Variants in NDUFAF2 observed in about 807,000 individuals in gnomAD.
NDUFAF2 encodes the protein NADH:ubiquinone oxidoreductase complex assembly factor 2.
A neutral mutation model predicts 22.8 loss-of-function variants in NDUFAF2; 13 were observed. That is an observed-to-expected ratio of 0.57 (90% confidence interval 0.37 to 0.91). The LOEUF (loss-of-function observed/expected upper bound fraction) is 0.91. Ranked by LOEUF, NDUFAF2 falls within the 40% of genes least tolerant of loss-of-function variation. NDUFAF2 has a pLI of 0.01. For synonymous variants in NDUFAF2, 53 were observed against 64.2 expected, an observed-to-expected ratio of 0.83 and a Z score of 0.84; for missense variants, 162 against 195.2, an observed-to-expected ratio of 0.83 and a Z score of 1.01.
chr5:61,041,345 C>G (rs184606603), intron 1 of NDUFAF2, among the ~76,000 whole-genome samples: 44 of 151,912 alleles, frequency 2.9e-4, no homozygotes, highest in Admixed American at 2.9e-3. Flanking sequence ...TATTTTTGAT[C>G]GAAGAGTTGA....
At chr5:61,023,461 A>G (rs1197846581) in intron 1 of NDUFAF2, among the ~76,000 whole-genome samples, 1 of 152,006 alleles carries the variant, frequency 6.6e-6, no homozygotes, top group African/African-American at 2.4e-5. Flanking sequence ...GGTTTCTTCA[A>G]TTTATAATTT....
intron 2 of NDUFAF2, among the ~76,000 whole-genome samples, chr5:61,086,440 G>A (rs1202851294): frequency 2.0e-5 from 3 of 152,122 alleles, no homozygotes; most frequent in East Asian, 1.9e-4. Flanking sequence ...TGGTACTGAT[G>A]TAAGGATAAT....
rs534827864 is a variant in NDUFAF2, at chr5:61,109,268, T to C, written c.258+10236T>C. Among the ~76,000 whole-genome samples, 79 of 152,304 alleles carry C rather than the reference T, an allele frequency of 5.2e-4. 3 individuals carry two copies. The South Asian group carries it at 0.016, about 30-fold the overall frequency. Reference sequence around the variant, plus strand: ...TTTCAGATTGTTTGCTGGTGGCATATAGAAATGCTATTGATTTTGTATGTT... The same window carrying C: ...TTTCAGATTGTTTGCTGGTGGCATACAGAAATGCTATTGATTTTGTATGTT... On this transcript the variant is annotated intron_variant, in intron 3 of 3. Coordinates refer to ENST00000296597, the MANE Select transcript of NDUFAF2 (RefSeq NM_174889.5).
At chr5:61,050,260 G>A (rs1209220216) in intron 1 of NDUFAF2, 1 of 151,940 alleles carries the variant, frequency 6.6e-6, no homozygotes, top group Non-Finnish European at 1.5e-5. Context: ...TGGGGTTTTT[G>A]TAGAAAGGAT....
intron 1 of NDUFAF2, among the ~76,000 whole-genome samples, chr5:61,067,518 C>T (rs557959694): frequency 2.6e-5 from 4 of 152,090 alleles, no homozygotes; most frequent in East Asian, 3.9e-4. Context: ...CATAGTATTC[C>T]GTGGTGTATA....
At chr5:60,986,114 A>G (rs899532788) in intron 1 of NDUFAF2, among the ~76,000 whole-genome samples, 2 of 152,194 alleles carry the variant, frequency 1.3e-5, no homozygotes, top group African/African-American at 4.8e-5. Context: ...AAATAGGGCT[A>G]CCATGTGCTC....
chr5:61,040,284 A>ACGCGCGCGCGCGCGCGCGCG (rs1297710611), intron 1 of NDUFAF2, among the ~76,000 whole-genome samples: 1 of 87,220 alleles, frequency 1.1e-5, no homozygotes, highest in African/African-American at 5.4e-5. Context: ...ACACACACAC[A>ACGCGCGCGCGCGCGCGCGCG]CACGCGCGCG....
intron 1 of NDUFAF2, among the ~76,000 whole-genome samples, chr5:61,019,768 G>A (rs990108633): frequency 6.6e-6 from 1 of 152,054 alleles, no homozygotes; most frequent in Non-Finnish European, 1.5e-5. Flanking sequence ...AATGAGATGG[G>A]CCTTACCTTT....
intron 1 of NDUFAF2, among the ~76,000 whole-genome samples, chr5:60,947,357 T>A (rs149839846): frequency 6.6e-6 from 1 of 152,354 alleles, no homozygotes; most frequent in East Asian, 1.9e-4. Flanking sequence ...GGTATCTCAT[T>A]GTGATTTTAA....
intron 1 of NDUFAF2, among the ~76,000 whole-genome samples, chr5:61,069,607 A>G (rs1752270834): frequency 6.6e-6 from 1 of 152,134 alleles, no homozygotes; most frequent in Non-Finnish European, 1.5e-5. Flanking sequence ...AATTGCAAAG[A>G]TGGTACTTGA....
chr5:60,954,760 T>A (rs1750593937), intron 1 of NDUFAF2, among the ~76,000 whole-genome samples: 1 of 152,042 alleles, frequency 6.6e-6, no homozygotes, highest in South Asian at 2.1e-4. Context: ...TTTTTTTTTT[T>A]TTAAATAGTA....
chr5:61,071,144 G>A (rs1208079567), intron 1 of NDUFAF2, among the ~76,000 whole-genome samples: 3 of 152,112 alleles, frequency 2.0e-5, no homozygotes, highest in Non-Finnish European at 2.9e-5. Context: ...CCTCTACTGT[G>A]AGAGAAATGC....
At chr5:61,044,333 A>C (rs1364083443) in intron 1 of NDUFAF2, among the ~76,000 whole-genome samples, 1 of 151,494 alleles carries the variant, frequency 6.6e-6, no homozygotes, top group African/African-American at 2.4e-5. Flanking sequence ...TGTTTGTTTT[A>C]CTGTGCAGAA....
chr5:61,006,863 G>A lies in NDUFAF2; in HGVS notation c.127+61481G>A, dbSNP rs144477844. ...AATTAATGATCATTTTGGTCAAGGC[G>A]TTTGAATAACCAGAGCTTCCAAAAA... On this transcript the variant is annotated intron_variant, in intron 1 of 3. Coordinates refer to ENST00000296597, the MANE Select transcript of NDUFAF2 (RefSeq NM_174889.5). Among the ~76,000 whole-genome samples, 258 of 152,192 alleles carry A rather than the reference G, an allele frequency of 1.7e-3. 1 individual carries two copies. The highest frequency in any genetic ancestry group is 2.9e-3 in the Non-Finnish European group (198 of 67,982).
intron 3 of NDUFAF2, among the ~76,000 whole-genome samples, chr5:61,121,997 A>G (rs993797735): frequency 6.6e-6 from 1 of 151,890 alleles, no homozygotes; most frequent in Non-Finnish European, 1.5e-5. Flanking sequence ...CACCCAGCTA[A>G]TTTTTGTATT....
Position 61,055,143 on chromosome 5 carries a change from T to C in NDUFAF2, c.128-17982T>C, listed in dbSNP as rs183940328. Among the ~76,000 whole-genome samples the C allele has an allele frequency of 7.2e-5, 11 of 152,340 alleles. No homozygotes were observed. The East Asian group carries it at 2.1e-3, about 29-fold the overall frequency. ...TTTGTTTTAGCATTCTATTCCTTTA[T>C]TTACCATGTATGCCACTACAGAAGA... On this transcript the variant is annotated intron_variant, in intron 1 of 3. Transcript: ENST00000296597.
intron 1 of NDUFAF2, among the ~76,000 whole-genome samples, chr5:61,040,303 A>T (rs200735038): frequency 7.3e-6 from 1 of 137,388 alleles, no homozygotes; most frequent in East Asian, 2.3e-4. Context: ...CGCGCGCGCG[A>T]AAGTTGAAAG....
intron 1 of NDUFAF2, among the ~76,000 whole-genome samples, chr5:61,034,010 G>A (rs979977043): frequency 6.6e-6 from 1 of 152,148 alleles, no homozygotes; most frequent in African/African-American, 2.4e-5. Context: ...TGGTAAAGTA[G>A]AATCTTGAGA....
intron 1 of NDUFAF2, among the ~76,000 whole-genome samples, chr5:61,045,217 TAA>T (rs1243629436): frequency 8.6e-6 from 1 of 116,280 alleles, no homozygotes; most frequent in African/African-American, 3.3e-5. Context: ...TAAAATAAAA[TAA>T]AGTTTTATTA....
Sources: allele counts gnomAD v4.1 joint callset (sites outside exome capture counted in the v4.1 genomes callset), GRCh38; gene constraint gnomAD v4.1.1; transcripts MANE v1.5; gene names NCBI Gene and HGNC (gene_info 2026-07-23, HGNC 2026-07-21).